The following SNX29 variants were observed in gnomAD, a reference collection of about 807,000 sequenced individuals.
SNX29 encodes sorting nexin 29.
Under a neutral mutation model 102.1 loss-of-function variants are expected in SNX29, and 78 were observed. The ratio of observed to expected loss-of-function variants is 0.76; its 90% CI spans 0.64 to 0.92. The LOEUF (loss-of-function observed/expected upper bound fraction) is 0.92, where lower values mean the gene tolerates loss of function less well. Among genes scored for constraint, SNX29 ranks in the 40% least tolerant of loss-of-function variants. SNX29 has a pLI of 0.00. For missense variants in SNX29, 1,280 were observed against 1,061.7 expected, an observed-to-expected ratio of 1.21 and a Z score of -2.86; for synonymous variants, 580 against 414.5, an observed-to-expected ratio of 1.40 and a Z score of -4.85.
chr16:12,033,243 CAT>C lies in SNX29; in HGVS notation c.247+5810_247+5811del, dbSNP rs572429376. 8.6e-3 allele frequency among the ~76,000 whole-genome samples: 1,301 copies of C among 151,634 alleles called. 14 individuals are homozygous for C. Among genetic ancestry groups the C allele is most frequent in the African/African-American group, 0.03 (1,227 of 41,362 alleles). The stretch of plus-strand genomic sequence containing the variant: ...GAGAGTGATTACCACCCCCTTTTTT[CAT>C]ATATATATATGTATGTATAGTAATT... On this transcript the variant is annotated intron_variant, in intron 4 of 20. Transcript: ENST00000566228.
intron 11 of SNX29, chr16:12,090,356 G>T (rs890539775): frequency 6.6e-6 from 1 of 152,272 alleles, no homozygotes; most frequent in Non-Finnish European, 1.5e-5. Context: ...AGTTCTTCCG[G>T]GTTAGGACTT....
chr16:12,547,479 G>A (rs2077680544), intron 20 of SNX29, among the ~76,000 whole-genome samples: 1 of 152,174 alleles, frequency 6.6e-6, no homozygotes, highest in African/African-American at 2.4e-5. Flanking sequence ...TATTCTCAAA[G>A]TAGAACTACC....
At position 12,505,028 on chromosome 16, in the gene SNX29, G is replaced by GGGAGGCC. The variant is rs530756110; in HGVS notation, c.2179-19673_2179-19667dup. Among the ~76,000 whole-genome samples the GGGAGGCC allele has an allele frequency of 9.5e-4, 144 of 152,292 alleles. 1 individual carries two copies. The highest frequency in any genetic ancestry group is 3.2e-3 in the African/African-American group (135 of 41,556). ...CAGTGGCTCATACTCCTGGGACCTT[G>GGGAGGCC]GGAGGCCAAGACGGGACGATCACTT... On this transcript the variant is annotated intron_variant, in intron 19 of 20. Transcript: ENST00000566228.
intron 18 of SNX29, among the ~76,000 whole-genome samples, chr16:12,425,789 C>T (rs917752319): frequency 6.6e-6 from 1 of 152,080 alleles, no homozygotes; most frequent in Non-Finnish European, 1.5e-5. Context: ...CGGAATTCCT[C>T]TCCTATTGTG....
intron 20 of SNX29, among the ~76,000 whole-genome samples, chr16:12,559,698 C>T (rs1443926113): frequency 1.3e-5 from 2 of 152,096 alleles, no homozygotes; most frequent in African/African-American, 4.8e-5. Flanking sequence ...TCTCGAGCTT[C>T]CCATCTCCCA....
rs57278952 is a variant in SNX29, at chr16:12,457,248, A to G, written c.2038-20471A>G. On this transcript the variant is annotated intron_variant, in intron 18 of 20. Coordinates refer to ENST00000566228, the MANE Select transcript of SNX29 (RefSeq NM_032167.5). ...GTCACAACCCTCTTAGGTGGGTGCT[A>G]ATACTATCCCCGCTCTATAGATGCT... Among the ~76,000 whole-genome samples the G allele has an allele frequency of 9.0e-3, 1,377 of 152,330 alleles. 27 individuals carry two copies. Among genetic ancestry groups the G allele is most frequent in the African/African-American group, 0.031 (1,307 of 41,572 alleles).
Position 12,571,251 on chromosome 16 carries a change from A to G in SNX29, c.*2622A>G, listed in dbSNP as rs912644112. ...CTGGAGTTATGGAGCAGAAACACCC[A>G]GGCCTAGCAGAATTGTGGCTGAAAC... On this transcript the variant is annotated 3_prime_UTR_variant, in exon 21 of 21. Coordinates refer to ENST00000566228, the MANE Select transcript of SNX29 (RefSeq NM_032167.5). 2 of 232,012 alleles carry G rather than the reference A, an allele frequency of 8.6e-6. No homozygotes were observed. The highest frequency in any genetic ancestry group is 1.7e-5 in the Non-Finnish European group (2 of 117,348). The allele number at this position is 232,012 out of a possible 1,614,324, so 14.4% of individuals were successfully genotyped here. A position where few individuals can be genotyped will look rare whatever the true frequency, so the allele number is the denominator to read the frequency against.
Position 12,499,627 on chromosome 16 carries a change from C to T in SNX29, c.2178+21768C>T, listed in dbSNP as rs141986662. On this transcript the variant is annotated intron_variant, in intron 19 of 20. Transcript: ENST00000566228. ...ACAGGATCAGACCACACCCCAGACC[C>T]GGTGAATTAGAATCTCTACAGTGAA... is the stretch of plus-strand genomic sequence containing the variant. 3.2e-3 allele frequency among the ~76,000 whole-genome samples: 487 copies of T among 152,252 alleles called. 5 individuals carry two copies. The highest frequency in any genetic ancestry group is 0.011 in the African/African-American group (472 of 41,536).
chr16:12,572,596 A>T lies in SNX29; in HGVS notation c.*3967A>T. On this transcript the variant is annotated 3_prime_UTR_variant, in exon 21 of 21. Coordinates refer to ENST00000566228, the MANE Select transcript of SNX29 (RefSeq NM_032167.5). ...AGCCATGTTCTCTGGGCTCCCAGTG[A>T]GCCCCCTCCCCTCCGGCTACCCCCA... The T allele has an allele frequency of 9.4e-7, 1 of 1,064,260 alleles. No individual in the cohort carries two copies. Among genetic ancestry groups the T allele is most frequent in the Non-Finnish European group, 1.1e-6 (1 of 878,612 alleles). The allele number at this position is 1,064,260 out of a possible 1,614,324, so 65.9% of individuals were successfully genotyped here.
chr16:11,976,780 G>T lies in SNX29; in HGVS notation c.-27G>T. 1 of 1,345,128 alleles carries T rather than the reference G, an allele frequency of 7.4e-7. No individual in the cohort carries two copies. The highest frequency in any genetic ancestry group is 9.6e-7 in the Non-Finnish European group (1 of 1,046,746). The allele number at this position is 1,345,128 out of a possible 1,614,324, so 83.3% of individuals were successfully genotyped here. A position where few individuals can be genotyped will look rare whatever the true frequency, so the allele number is the denominator to read the frequency against. ...GAAGCGGCAGCGGCGGCGGCGCGGC[G>T]CAGGCACCGGCCCGGGGAGAGGCAC... On this transcript the variant is annotated 5_prime_UTR_variant, in exon 1 of 21. Coordinates refer to ENST00000566228, the MANE Select transcript of SNX29 (RefSeq NM_032167.5).
intron 19 of SNX29, among the ~76,000 whole-genome samples, chr16:12,488,926 A>T (rs1009055841): frequency 2.6e-5 from 4 of 152,160 alleles, no homozygotes; most frequent in African/African-American, 4.8e-5. Flanking sequence ...TGGTTTTGTG[A>T]TTGAATGAAT....
rs1170605829 is a variant in SNX29, at chr16:12,555,093, G to A, written c.2319-13413G>A. Reference sequence around the variant, plus strand: ...TGGGGAGGTGGAGGAAAAGTGAAAGGGCCAATCAGGGACAATCTCAGAGTA... The same window carrying A: ...TGGGGAGGTGGAGGAAAAGTGAAAGAGCCAATCAGGGACAATCTCAGAGTA... On this transcript the variant is annotated intron_variant, in intron 20 of 20. Transcript: ENST00000566228. Among the ~76,000 whole-genome samples the A allele has an allele frequency of 2.7e-5, 4 of 150,066 alleles. No homozygotes were observed. The South Asian group carries it at 6.4e-4, about 24-fold the overall frequency.
intron 13 of SNX29, among the ~76,000 whole-genome samples, chr16:12,165,419 G>T (rs2055976306): frequency 6.6e-6 from 1 of 152,174 alleles, no homozygotes; most frequent in African/African-American, 2.4e-5. Context: ...AGTCACTTAT[G>T]CCTAAGAAAA....
chr16:12,403,226 G>GTC (rs2084023535), intron 17 of SNX29, among the ~76,000 whole-genome samples: 1 of 148,604 alleles, frequency 6.7e-6, no homozygotes, highest in African/African-American at 2.5e-5. Flanking sequence ...GTGTGTGTGT[G>GTC]TGTGTGTGTG....
chr16:12,115,057 C>A (rs1043570057), intron 11 of SNX29, among the ~76,000 whole-genome samples: 1 of 152,154 alleles, frequency 6.6e-6, no homozygotes, highest in African/African-American at 2.4e-5. Flanking sequence ...ACCACCAGTT[C>A]CATCAAATAA....
At chr16:12,324,557 G>A (rs150861869) in intron 15 of SNX29, among the ~76,000 whole-genome samples, 95 of 152,190 alleles carry the variant, frequency 6.2e-4, no homozygotes, top group Non-Finnish European at 1.2e-3. Context: ...CTAGGCCTGA[G>A]CCACTGTGCC....
chr16:12,102,501 A>T (rs1401838749), intron 11 of SNX29, among the ~76,000 whole-genome samples: 3 of 152,106 alleles, frequency 2.0e-5, no homozygotes, highest in African/African-American at 7.2e-5. Context: ...TTTGATTTGC[A>T]TTTCTCTAAT....
At chr16:12,391,877 C>A (rs938244325) in intron 16 of SNX29, among the ~76,000 whole-genome samples, 1 of 152,080 alleles carries the variant, frequency 6.6e-6, no homozygotes, top group Admixed American at 6.5e-5. Flanking sequence ...TTTAAAATTG[C>A]GTGATTGTTA....
chr16:12,332,712 C>G (rs2081329827), intron 15 of SNX29, among the ~76,000 whole-genome samples: 2 of 152,192 alleles, frequency 1.3e-5, no homozygotes. Flanking sequence ...GCACCTCTGT[C>G]TTTCTCTTAT....
Sources: allele counts gnomAD v4.1 joint callset (sites outside exome capture counted in the v4.1 genomes callset), GRCh38; gene constraint gnomAD v4.1.1; transcripts MANE v1.5; gene names NCBI Gene and HGNC (gene_info 2026-07-23, HGNC 2026-07-21).